RPS6KA6: variants seen among roughly 807,000 people sequenced by gnomAD.
RPS6KA6 encodes the protein ribosomal protein S6 kinase A6.
Under a neutral mutation model 65.4 loss-of-function variants are expected in RPS6KA6, and 27 were observed. The observed-to-expected ratio is 0.41, with a 90% confidence interval of 0.30 to 0.57. The LOEUF (loss-of-function observed/expected upper bound fraction) is 0.57. RPS6KA6 is among the 20% of genes least tolerant of loss of function. RPS6KA6 has a pLI of 0.24. For synonymous variants in RPS6KA6, 190 were observed against 184.2 expected (o/e 1.03, Z -0.26); for missense variants, 486 against 555.6 (o/e 0.87, Z 1.26).
intron 2 of RPS6KA6, among the ~76,000 whole-genome samples, chrX:84,157,107 C>T (rs1319482199): frequency 8.9e-6 from 1 of 111,934 alleles, no homozygotes; most frequent in Admixed American, 9.5e-5. Flanking sequence ...CTTCAATTAA[C>T]TGATTAGTCA....
chrX:84,172,313 C>T (rs920861356), intron 1 of RPS6KA6, among the ~76,000 whole-genome samples: 5 of 111,720 alleles, frequency 4.5e-5, no homozygotes, highest in African/African-American at 9.8e-5. Context: ...GACGAATCAC[C>T]GCAAGAACAT....
chrX:84,104,705 C>A, intron 16 of RPS6KA6, 48 bp from the exon 17 acceptor site: 1 of 777,927 alleles, frequency 1.3e-6, no homozygotes, highest in Non-Finnish European at 1.7e-6. Flanking sequence ...AATTACAATT[C>A]TATAATTCTT....
At chrX:84,076,581 T>A (rs2033668452) in intron 20 of RPS6KA6, among the ~76,000 whole-genome samples, 1 of 111,745 alleles carries the variant, frequency 8.9e-6, no homozygotes, top group African/African-American at 3.2e-5. Context: ...AGGAAAAGGC[T>A]TAGACAAAAT....
intron 6 of RPS6KA6, among the ~76,000 whole-genome samples, chrX:84,143,073 A>C (rs1023221331): frequency 9.0e-6 from 1 of 111,076 alleles, no homozygotes; most frequent in African/African-American, 3.3e-5. Flanking sequence ...AAAATTCTTA[A>C]ATATTCAGCA....
intron 20 of RPS6KA6, among the ~76,000 whole-genome samples, chrX:84,086,195 T>C (rs1485852304): frequency 1.8e-5 from 2 of 111,712 alleles, no homozygotes; most frequent in African/African-American, 6.5e-5. Context: ...TCCTGTATTC[T>C]CATAGCTTTG....
chrX:84,186,895 T>C (rs1380880951), intron 1 of RPS6KA6: 2 of 111,708 alleles, frequency 1.8e-5, no homozygotes, highest in Non-Finnish European at 3.8e-5. Flanking sequence ...AGACACGTTT[T>C]TGTGTTTAAA....
chrX:84,177,860 T>A (rs997254176), intron 1 of RPS6KA6, among the ~76,000 whole-genome samples: 3 of 111,944 alleles, frequency 2.7e-5, no homozygotes, highest in African/African-American at 9.7e-5. Context: ...AGTGGCACAA[T>A]CATGGCTCAC....
At chrX:84,151,148 G>T (rs1444064428) in intron 3 of RPS6KA6, among the ~76,000 whole-genome samples, 11 of 96,781 alleles carry the variant, frequency 1.1e-4, no homozygotes, top group East Asian at 3.1e-4. Context: ...AGGATATATA[G>T]ATATATATAG....
At chrX:84,122,180 C>T (rs1276617412) in intron 8 of RPS6KA6, among the ~76,000 whole-genome samples, 2 of 110,424 alleles carry the variant, frequency 1.8e-5, no homozygotes, top group African/African-American at 3.3e-5. Flanking sequence ...GATGACACCC[C>T]TTCCCCATGC....
At chrX:84,081,898 G>A (rs977720801) in intron 20 of RPS6KA6, among the ~76,000 whole-genome samples, 4 of 111,198 alleles carry the variant, frequency 3.6e-5, no homozygotes, top group African/African-American at 9.8e-5. Flanking sequence ...TTCAACACCC[G>A]TTCATGCTAA....
At position 84,158,881 on chromosome X, in the gene RPS6KA6, T is replaced by C. The variant is rs555021424; in HGVS notation, c.142-2690A>G. Among the ~76,000 whole-genome samples, 15 of 111,602 alleles carry C rather than the reference T, an allele frequency of 1.3e-4. No homozygotes were observed. In the South Asian group the frequency reaches 5.6e-3, roughly 42 times the overall value. ...TTGTTTGGGTCCCACCCTCAGAGAT[T>C]GTGGTTCAGTAGAACTACAGGAAAA... On this transcript the variant is annotated intron_variant, in intron 2 of 21. Coordinates refer to ENST00000262752, the MANE Select transcript of RPS6KA6 (RefSeq NM_014496.5).
In RPS6KA6 at chrX:84,143,524, C is replaced by T. The variant is rs753035987; in HGVS notation, c.501+1954G>A. ...AAGAATTACACTGAAAACAATACTG[C>T]GAGAAATTAAAGATGACCTAAATAA... is the stretch of plus-strand genomic sequence containing the variant. On this transcript the variant is annotated intron_variant, in intron 6 of 21. Transcript: ENST00000262752. Among the ~76,000 whole-genome samples, 10 of 110,851 alleles carry T rather than the reference C, an allele frequency of 9.0e-5. No individual in the cohort carries two copies. In the East Asian group the frequency reaches 1.4e-3, roughly 16 times the overall value.
At chrX:84,110,587 A>G (rs1185517923) in intron 12 of RPS6KA6, among the ~76,000 whole-genome samples, 3 of 111,933 alleles carry the variant, frequency 2.7e-5, no homozygotes, top group Non-Finnish European at 5.6e-5. Context: ...ACCCAACATA[A>G]AAACCTGACT....
intron 20 of RPS6KA6, among the ~76,000 whole-genome samples, chrX:84,084,369 T>C (rs1460343353): frequency 8.9e-6 from 1 of 112,384 alleles, no homozygotes; most frequent in African/African-American, 3.2e-5. Context: ...CTTTAATCCA[T>C]CTAGAGTTAA....
At chrX:84,171,664 T>C (rs969284879) in intron 1 of RPS6KA6, among the ~76,000 whole-genome samples, 9 of 111,613 alleles carry the variant, frequency 8.1e-5, no homozygotes, top group Non-Finnish European at 9.4e-5. Flanking sequence ...AGAACGTAAT[T>C]CCTTTTTTTA....
chrX:84,133,189 T>G (rs2034932985), intron 8 of RPS6KA6, among the ~76,000 whole-genome samples: 1 of 111,873 alleles, frequency 8.9e-6, no homozygotes, highest in African/African-American at 3.2e-5. Flanking sequence ...CATTGCAGCC[T>G]CAGGCATAAA....
intron 2 of RPS6KA6, among the ~76,000 whole-genome samples, chrX:84,163,805 T>C (rs1215796793): frequency 1.8e-5 from 2 of 111,859 alleles, no homozygotes; most frequent in Non-Finnish European, 3.8e-5. Flanking sequence ...AATAAGACTC[T>C]AGTATCTAGG....
intron 18 of RPS6KA6, among the ~76,000 whole-genome samples, chrX:84,100,362 C>A (rs867200208): frequency 9.0e-6 from 1 of 110,762 alleles, no homozygotes; most frequent in African/African-American, 3.3e-5. Flanking sequence ...TAATCTAAAA[C>A]TGTTTACCTA....
rs147857946 is a variant in RPS6KA6, at chrX:84,114,293, T to C, written c.1008+1936A>G. On this transcript the variant is annotated intron_variant, in intron 12 of 21. Coordinates refer to ENST00000262752, the MANE Select transcript of RPS6KA6 (RefSeq NM_014496.5). ...GCTTGAACCCAGAAGTTCCAGACCATCCTAGTCAACATACCGAGACCTCAT... is the reference window on the plus strand; with the variant it reads ...GCTTGAACCCAGAAGTTCCAGACCACCCTAGTCAACATACCGAGACCTCAT... Among the ~76,000 whole-genome samples the C allele has an allele frequency of 8.1e-3, 895 of 110,353 alleles. 6 individuals are homozygous for C. Among genetic ancestry groups the C allele is most frequent in the African/African-American group, 0.028 (839 of 30,286 alleles).
Sources: allele counts gnomAD v4.1 joint callset (sites outside exome capture counted in the v4.1 genomes callset), GRCh38; gene constraint gnomAD v4.1.1; transcripts MANE v1.5; gene names NCBI Gene and HGNC (gene_info 2026-07-23, HGNC 2026-07-21).